Variants in SSR1 observed in about 807,000 individuals in gnomAD.
SSR1 encodes the protein signal sequence receptor subunit 1.
A neutral mutation model predicts 36.1 loss-of-function variants in SSR1; 13 were observed. The observed-to-expected ratio is 0.36, with a 90% CI of 0.23 to 0.57. SSR1 has a LOEUF of 0.57. SSR1 is among the 20% of genes least tolerant of loss of function. The pLI, the probability that SSR1 is intolerant of heterozygous loss-of-function variation, is 0.81. For synonymous variants in SSR1, 113 were observed against 118.9 expected (o/e 0.95, Z 0.32); for missense variants, 291 against 338.5 (o/e 0.86, Z 1.10).
At chr6:7,307,514 C>A (rs556087235) in intron 2 of SSR1, among the ~76,000 whole-genome samples, 98 of 152,250 alleles carry the variant, frequency 6.4e-4, no homozygotes, top group African/African-American at 2.2e-3. Context: ...TCTAACAGTT[C>A]CCTTCTCTAC....
chr6:7,286,367 GA>G lies in SSR1; in HGVS notation c.*3496del, dbSNP rs1463592362. 6.6e-6 allele frequency: 1 copy of G among 152,136 alleles called. No individual in the cohort carries two copies. Among genetic ancestry groups the G allele is most frequent in the Non-Finnish European group, 1.5e-5 (1 of 68,024 alleles). 9.4% of individuals were successfully genotyped at this position (152,136 alleles called of 1,614,324 possible). A position where few individuals can be genotyped will look rare whatever the true frequency, so the allele number is the denominator to read the frequency against. The stretch of plus-strand genomic sequence containing the variant: ...CCATTAGTAACATTCATAAGCACCC[GA>G]AATAAATTATTTAGATGTTTGCAAG... On this transcript the variant is annotated 3_prime_UTR_variant, in exon 8 of 8. Coordinates refer to ENST00000244763, the MANE Select transcript of SSR1 (RefSeq NM_003144.5).
chr6:7,312,976 C>G, intron 1 of SSR1, 66 bp downstream of exon 1: 1 of 1,520,734 alleles, frequency 6.6e-7, no homozygotes, highest in Non-Finnish European at 8.9e-7. Flanking sequence ...CCGCCTCCAA[C>G]TTCAAACTTG....
intron 1 of SSR1, among the ~76,000 whole-genome samples, chr6:7,311,010 G>C (rs1471141699): frequency 6.6e-6 from 1 of 152,200 alleles, no homozygotes; most frequent in Non-Finnish European, 1.5e-5. Context: ...TCTTAGAACT[G>C]GATAGTTTGT....
intron 4 of SSR1, among the ~76,000 whole-genome samples, chr6:7,300,627 A>T (rs1289755041): frequency 6.6e-6 from 1 of 152,138 alleles, no homozygotes; most frequent in East Asian, 1.9e-4. Context: ...GAGGTACAAA[A>T]CAAATTATTT....
chr6:7,295,125 G>C, intron 7 of SSR1: 1 of 1,516,852 alleles, frequency 6.6e-7, no homozygotes, highest in Admixed American at 2.2e-5. Flanking sequence ...AAAGAAAAGA[G>C]ACAGGAAATG....
At position 7,286,995 on chromosome 6, in the gene SSR1, T is replaced by A. The variant is rs1488969523; in HGVS notation, c.*2869A>T. ...ATGTTTTTAAATTTAAACATCTAATTTAGGAACTAAAATACAGGGTCTAGT... is the reference window on the plus strand; with the variant it reads ...ATGTTTTTAAATTTAAACATCTAATATAGGAACTAAAATACAGGGTCTAGT... On this transcript the variant is annotated 3_prime_UTR_variant, in exon 8 of 8. Coordinates refer to ENST00000244763, the MANE Select transcript of SSR1 (RefSeq NM_003144.5). 6.6e-6 allele frequency: 1 copy of A among 151,758 alleles called. No individual in the cohort carries two copies. The highest frequency in any genetic ancestry group is 2.4e-5 in the African/African-American group (1 of 41,298). The allele number at this position is 151,758 out of a possible 1,614,324, so 9.4% of individuals were successfully genotyped here.
Position 7,290,080 on chromosome 6 carries a change from C to T in SSR1, c.794-149G>A, listed in dbSNP as rs1191757635. 1.1e-5 allele frequency: 6 copies of T among 566,476 alleles called. No individual in the cohort carries two copies. The Admixed American group carries it at 1.3e-4, about 12-fold the overall frequency. 35.1% of individuals were successfully genotyped at this position (566,476 alleles called of 1,614,324 possible). On this transcript the variant is annotated intron_variant, in intron 7 of 7. Coordinates refer to ENST00000244763, the MANE Select transcript of SSR1 (RefSeq NM_003144.5). ...CTAATAATGAATGCCTCCTATCTAG[C>T]TCTAGGTTTTAAAAACAATCTTTAA...
chr6:7,284,754 T>G lies in SSR1; in HGVS notation c.*5110A>C, dbSNP rs1757511458. 1 of 151,982 alleles carries G rather than the reference T, an allele frequency of 6.6e-6. No individual in the cohort carries two copies. Among genetic ancestry groups the G allele is most frequent in the Non-Finnish European group, 1.5e-5 (1 of 68,008 alleles). 9.4% of individuals were successfully genotyped at this position (151,982 alleles called of 1,614,324 possible). A position where few individuals can be genotyped will look rare whatever the true frequency, so the allele number is the denominator to read the frequency against. The stretch of plus-strand genomic sequence containing the variant: ...CTCTTTTGCTAAGTAAAAAGTAGGT[T>G]TAAGGGAAGAATCATTTATAGTAAC... On this transcript the variant is annotated 3_prime_UTR_variant, in exon 8 of 8. Coordinates refer to ENST00000244763, the MANE Select transcript of SSR1 (RefSeq NM_003144.5).
rs759887460 is a variant in SSR1 at position 7,313,129 on chromosome 6, C to CG, written c.-10dup. The stretch of plus-strand genomic sequence containing the variant: ...CGGGGGAGGAGTCTCATGGCGCTGC[C>CG]GGTCCAGTGTCCAGTTTCCGTCGGC... On this transcript the variant is annotated 5_prime_UTR_variant, in exon 1 of 8. Transcript: ENST00000244763. 1.6e-5 allele frequency: 26 copies of CG among 1,599,812 alleles called. No homozygotes were observed. Among genetic ancestry groups the CG allele is most frequent in the Non-Finnish European group, 2.2e-5 (26 of 1,173,032 alleles).
intron 7 of SSR1, among the ~76,000 whole-genome samples, chr6:7,291,778 T>C (rs1335610038): frequency 6.6e-6 from 1 of 152,176 alleles, no homozygotes; most frequent in African/African-American, 2.4e-5. Context: ...ATCACTGTTA[T>C]ATGCAGATGT....
chr6:7,293,841 G>A (rs1757734741), intron 7 of SSR1, among the ~76,000 whole-genome samples: 1 of 152,044 alleles, frequency 6.6e-6, no homozygotes. Flanking sequence ...GTCTTTCAAG[G>A]GTCAACTATG....
intron 7 of SSR1, among the ~76,000 whole-genome samples, chr6:7,291,094 C>T (rs574395603): frequency 8.5e-5 from 13 of 152,110 alleles, no homozygotes; most frequent in African/African-American, 2.9e-4. Context: ...AAGAAATCTC[C>T]TTAAGATTAA....
chr6:7,290,994 C>T (rs1379732203), intron 7 of SSR1, among the ~76,000 whole-genome samples: 3 of 152,052 alleles, frequency 2.0e-5, no homozygotes, highest in Admixed American at 6.5e-5. Flanking sequence ...AAGCGATTTT[C>T]GTGCCTCAGC....
chr6:7,306,970 T>C (rs1758081941), intron 2 of SSR1, among the ~76,000 whole-genome samples: 1 of 143,324 alleles, frequency 7.0e-6, no homozygotes, highest in Non-Finnish European at 1.5e-5. Context: ...AAAAAAAGGT[T>C]TGTCCTCAAA....
rs9505115 is a variant in SSR1 at position 7,283,526 on chromosome 6, T to C, written c.*6338A>G. On this transcript the variant is annotated 3_prime_UTR_variant, in exon 8 of 8. Transcript: ENST00000244763. Reference sequence around the variant, plus strand: ...CCTCCCAAAGTGTTGGGATTACAGGTGTGAGCCACCGTGCCCGGCCTTTTT... The same window carrying C: ...CCTCCCAAAGTGTTGGGATTACAGGCGTGAGCCACCGTGCCCGGCCTTTTT... 0.37 allele frequency: 55,839 copies of C among 152,234 alleles called. 10,356 individuals are homozygous for C. The highest frequency in any genetic ancestry group is 0.43 in the South Asian group (2,079 of 4,814). The allele number at this position is 152,234 out of a possible 1,614,324, so 9.4% of individuals were successfully genotyped here.
intron 5 of SSR1, 148 bp from the exon 6 acceptor site, chr6:7,298,149 G>A: frequency 1.8e-6 from 1 of 544,192 alleles, no homozygotes; most frequent in Non-Finnish European, 3.1e-6. Context: ...CTTAAATCCA[G>A]GTAGTTAAGT....
In SSR1 at chr6:7,297,090, G is replaced by A. The variant is rs147068518; in HGVS notation, c.699+833C>T. On this transcript the variant is annotated intron_variant, in intron 6 of 7. Transcript: ENST00000244763. ...ACAAAAATTAGCTGGGTGTGGTGGC[G>A]TGCACCTGTAGTTCGACTACTCAGG... 1.2e-3 allele frequency: 385 copies of A among 321,950 alleles called. 1 individual carries two copies. In the Middle Eastern group the frequency reaches 0.013, roughly 11 times the overall value. The allele number at this position is 321,950 out of a possible 1,614,324, so 19.9% of individuals were successfully genotyped here.
chr6:7,296,714 G>A (rs1757803782), intron 6 of SSR1, among the ~76,000 whole-genome samples: 2 of 151,758 alleles, frequency 1.3e-5, no homozygotes, highest in Admixed American at 1.3e-4. Context: ...AGGAAAGGAG[G>A]AGGGTGAGTG....
chr6:7,313,055 T>G lies in SSR1; in HGVS notation c.66A>C (p.Arg22=), dbSNP rs764699512. The G allele has an allele frequency of 9.3e-6, 15 of 1,607,114 alleles. No individual in the cohort carries two copies. In the Admixed American group the frequency reaches 2.4e-4, roughly 25 times the overall value. ...LLVFPATVLF[R]GGPRGLLAVA... is the part of the protein sequence containing the mutation. ...CCCCAGCCTCACCTCTGGGGCCGCC[T>G]CGGAACAAGACAGTGGCAGGGAACA... The change falls in exon 1 of 8, where the codon CGA becomes CGC. Residue 22 remains arginine (R), a synonymous_variant. Transcript: ENST00000244763.
Sources: allele counts gnomAD v4.1 joint callset (sites outside exome capture counted in the v4.1 genomes callset), GRCh38; gene constraint gnomAD v4.1.1; transcripts MANE v1.5; gene names NCBI Gene and HGNC (gene_info 2026-07-23, HGNC 2026-07-21).